PTAFR: variants seen among roughly 807,000 people sequenced by gnomAD.
PTAFR encodes platelet activating factor receptor.
PTAFR carries 8 observed loss-of-function variants against 14.7 expected under a neutral mutation model. The ratio of observed to expected loss-of-function variants is 0.54; its 90% CI spans 0.32 to 0.98. PTAFR has a LOEUF of 0.98. Among genes scored for constraint, PTAFR ranks in the 50% least tolerant of loss-of-function variants. The pLI is 0.04. For missense variants in PTAFR, 337 were observed against 451.2 expected (o/e 0.75, Z 2.29); for synonymous variants, 156 against 176.5 (o/e 0.88, Z 0.92).
chr1:28,180,003 G>A (rs967987429), upstream of PTAFR, among the ~76,000 whole-genome samples: 2 of 151,704 alleles, frequency 1.3e-5, no homozygotes, highest in African/African-American at 4.8e-5. Context: ...GAAATCAACC[G>A]CTTGAACACA....
Position 28,150,170 on chromosome 1 carries a change from G to A in PTAFR, c.852C>T (p.Thr284=). Residue 284 remains threonine (T), a synonymous_variant, in exon 2 of 2, where the codon ACC becomes ACT. Transcript: ENST00000373857. This position sits in a 1 kb window ranked among gnomAD's most constrained non-coding sequence, Gnocchi z 6.3. ...AGATAACAGGGTCTAAGACACAGTT[G>A]GTGCTAAGGAGGCAGAGGGTGACCT... ...AHQVTLCLLS[T]NCVLDPVIYC... is the part of the protein sequence containing the mutation. 6.2e-7 allele frequency: 1 copy of A among 1,614,146 alleles called. No homozygotes were observed. The highest frequency in any genetic ancestry group is 1.1e-5 in the South Asian group (1 of 91,080).
chr1:28,155,646 C>G (rs903298552), intron 1 of PTAFR, among the ~76,000 whole-genome samples: 1 of 152,148 alleles, frequency 6.6e-6, no homozygotes, highest in Non-Finnish European at 1.5e-5. Context: ...AGGCAGATTG[C>G]TGGAGCCCAG....
chr1:28,173,674 G>T (rs929206009), intron 1 of PTAFR, among the ~76,000 whole-genome samples: 1 of 150,950 alleles, frequency 6.6e-6, no homozygotes, highest in African/African-American at 2.4e-5. Flanking sequence ...AAAGAGGAGG[G>T]GGGGCGGGGT....
At chr1:28,182,960 T>C (rs1646574499) in intron 1 of PTAFR, among the ~76,000 whole-genome samples, 2 of 152,168 alleles carry the variant, frequency 1.3e-5, no homozygotes, top group South Asian at 2.1e-4. Context: ...GGATTACAGG[T>C]GCGAGCCACC....
At chr1:28,154,744 A>G (rs1034722800) in intron 1 of PTAFR, among the ~76,000 whole-genome samples, 6 of 138,546 alleles carry the variant, frequency 4.3e-5, no homozygotes, top group Admixed American at 2.4e-4. Context: ...CTTGGGAGGC[A>G]GAGGTTGCAG....
At chr1:28,190,758 C>T (rs1333623528) in intron 1 of PTAFR, among the ~76,000 whole-genome samples, 1 of 152,152 alleles carries the variant, frequency 6.6e-6, no homozygotes, top group African/African-American at 2.4e-5. Context: ...CAGGGAGACT[C>T]CTGGGGATGG....
chr1:28,175,373 G>A (rs1166676206), intron 1 of PTAFR, among the ~76,000 whole-genome samples: 3 of 151,904 alleles, frequency 2.0e-5, no homozygotes, highest in Non-Finnish European at 2.9e-5. Flanking sequence ...TTTCTCCGGC[G>A]GTTTGTCAGC....
chr1:28,174,976 G>A (rs986819160), intron 1 of PTAFR, among the ~76,000 whole-genome samples: 1 of 152,190 alleles, frequency 6.6e-6, no homozygotes, highest in Non-Finnish European at 1.5e-5. Flanking sequence ...GCCCAGGCTG[G>A]AGTGCGATGG....
chr1:28,167,393 T>G (rs1226204977), intron 1 of PTAFR, among the ~76,000 whole-genome samples: 1 of 152,042 alleles, frequency 6.6e-6, no homozygotes, highest in African/African-American at 2.4e-5. Context: ...AAATGCAAAT[T>G]GAAACCATAA....
rs1646164413 is a variant in PTAFR, at chr1:28,150,198, T to A, written c.824A>T (p.His275Leu). ...SKFHQAINDAHQVTLCLLSTN... is the reference protein window; with the variant it reads ...SKFHQAINDALQVTLCLLSTN... ...GCTAAGGAGGCAGAGGGTGACCTGA[T>A]GTGCATCATTAATGGCCTGGTGGAA... Residue 275 changes from histidine to leucine, a missense_variant, in exon 2 of 2, where the codon CAT (histidine) becomes CTT (leucine). Transcript: ENST00000373857. The surrounding 1 kb of genome is among the most constrained non-coding windows in gnomAD (Gnocchi z 6.3). 6.2e-7 allele frequency: 1 copy of A among 1,614,058 alleles called. No individual in the cohort carries two copies. The highest frequency in any genetic ancestry group is 1.1e-5 in the South Asian group (1 of 91,088).
At chr1:28,190,229 C>CA (rs1646641843) in intron 1 of PTAFR, among the ~76,000 whole-genome samples, 2 of 152,032 alleles carry the variant, frequency 1.3e-5, no homozygotes, top group African/African-American at 4.8e-5. Context: ...GCCTGGGCCT[C>CA]AGAGTGCTGG....
intron 1 of PTAFR, among the ~76,000 whole-genome samples, chr1:28,168,229 C>T (rs1393175036): frequency 1.3e-5 from 2 of 150,562 alleles, no homozygotes; most frequent in Non-Finnish European, 3.0e-5. Context: ...CCTCGGCCAC[C>T]CAAAGTGCTG....
intron 1 of PTAFR, among the ~76,000 whole-genome samples, chr1:28,174,891 T>C (rs1646496022): frequency 2.6e-5 from 4 of 152,160 alleles, no homozygotes; most frequent in Admixed American, 2.6e-4. Context: ...TACTTCATCC[T>C]CCCTGCAAAC....
chr1:28,192,558 CAA>C (rs375926757), intron 1 of PTAFR, among the ~76,000 whole-genome samples: 22 of 56,328 alleles, frequency 3.9e-4, no homozygotes, highest in Non-Finnish European at 4.2e-4. Flanking sequence ...AACTCCGTCT[CAA>C]AAAAAAAAAA....
chr1:28,170,547 A>G (rs1307291902), intron 1 of PTAFR, among the ~76,000 whole-genome samples: 2 of 152,064 alleles, frequency 1.3e-5, no homozygotes, highest in African/African-American at 2.4e-5. Flanking sequence ...CTACAAAATT[A>G]AAAATTAAAA....
chr1:28,153,389 G>C (rs1186530787), intron 1 of PTAFR, among the ~76,000 whole-genome samples: 1 of 152,042 alleles, frequency 6.6e-6, no homozygotes, highest in East Asian at 1.9e-4. Flanking sequence ...GAGGAGGATG[G>C]GAAGCAAGAA....
upstream of PTAFR, among the ~76,000 whole-genome samples, chr1:28,179,586 C>T (rs563174738): frequency 2.0e-5 from 3 of 152,124 alleles, no homozygotes; most frequent in East Asian, 1.9e-4. Flanking sequence ...GATGCTGAGG[C>T]GGGCAGATCA....
intron 1 of PTAFR, 120 bp from the exon 2 acceptor site, chr1:28,151,179 G>T: frequency 3.3e-6 from 2 of 603,712 alleles, no homozygotes; most frequent in Non-Finnish European, 2.8e-6. Flanking sequence ...AGTTCATGTT[G>T]AATCTTTTTT....
intron 1 of PTAFR, among the ~76,000 whole-genome samples, chr1:28,187,308 TAA>T (rs1376540728): frequency 6.6e-6 from 1 of 152,062 alleles, no homozygotes; most frequent in African/African-American, 2.4e-5. Context: ...TACAGATCAA[TAA>T]GAGTAGATAT....
Sources: allele counts gnomAD v4.1 joint callset (sites outside exome capture counted in the v4.1 genomes callset), GRCh38; gene constraint gnomAD v4.1.1; non-coding constraint Gnocchi (gnomAD v3.1); transcripts MANE v1.5; gene names NCBI Gene and HGNC (gene_info 2026-07-23, HGNC 2026-07-21).